The following AKT1S1 variants were observed in gnomAD, a reference collection of about 807,000 sequenced individuals.
The protein encoded by AKT1S1 is AKT1 substrate 1.
In AKT1S1, 17 loss-of-function variants were observed where a neutral mutation model predicts 21.2. That is an observed-to-expected ratio of 0.80 (90% CI 0.55 to 1.20). AKT1S1 has a LOEUF of 1.20. Among genes scored for constraint, AKT1S1 ranks in the 50% most tolerant of loss-of-function variants. The probability of loss-of-function intolerance (pLI) is 0.00; values close to 1 mark genes in which losing one functional copy is unlikely to be tolerated. For missense variants in AKT1S1, 366 were observed against 368.3 expected, an observed-to-expected ratio of 0.99 and a Z score of 0.05; for synonymous variants, 181 against 165.6, an observed-to-expected ratio of 1.09 and a Z score of -0.72.
At position 49,870,067 on chromosome 19, in the gene AKT1S1, G is replaced by A. The variant is rs756394126; in HGVS notation, c.628-7C>T. The A allele has an allele frequency of 2.8e-5, 42 of 1,517,928 alleles. No homozygotes were observed. In the South Asian group the frequency reaches 3.0e-4, roughly 11 times the overall value. The allele number at this position is 1,517,928 out of a possible 1,614,324, so 94.0% of individuals were successfully genotyped here. A position where few individuals can be genotyped will look rare whatever the true frequency, so the allele number is the denominator to read the frequency against. On this transcript the variant is annotated splice_region_variant and splice_polypyrimidine_tract_variant and intron_variant, in intron 4 of 4. Coordinates refer to ENST00000344175, the MANE Select transcript of AKT1S1 (RefSeq NM_001098633.4). ...CCAGGTCGGGCGAAGAGGGCTGCGG[G>A]GACGGCGACGGGGCGAGGTCAGCGC...
rs767765032 is a variant in AKT1S1, at chr19:49,873,174, G to A, written c.122C>T (p.Pro41Leu). 37 of 1,533,706 alleles carry A rather than the reference G, an allele frequency of 2.4e-5. No individual in the cohort carries two copies. The highest frequency in any genetic ancestry group is 2.1e-4 in the Middle Eastern group (1 of 4,852). Residue 41 changes from proline (P) to leucine (L), a missense_variant, in exon 2 of 5, where the codon CCG becomes CTG. Pro to Leu is a moderately conservative substitution (Grantham distance 98, BLOSUM62 -3). Coordinates refer to ENST00000344175, the MANE Select transcript of AKT1S1 (RefSeq NM_001098633.4). The surrounding 1 kb of genome is among the most constrained non-coding windows in gnomAD (Gnocchi z 6.9). ...LTAAPPPPPR[P>L]GPCAYAAHGR... ...ATGGGCAGCATAGGCACAGGGGCCC[G>A]GGCGGGGTGGTGGCGGCGGGGCCGC...
intron 1 of AKT1S1, chr19:49,876,471 CTGG>C: frequency 8.3e-7 from 1 of 1,198,308 alleles, no homozygotes; most frequent in Non-Finnish European, 1.1e-6. Context: ...CAAAGGATCG[CTGG>C]CAGACCTCTG....
chr19:49,876,317 C>G, intron 1 of AKT1S1: 1 of 1,208,178 alleles, frequency 8.3e-7, no homozygotes, highest in Non-Finnish European at 1.0e-6. Flanking sequence ...CCGAGGCCCC[C>G]CAAACCATCC....
chr19:49,876,524 C>T (rs2074946442), intron 1 of AKT1S1: 3 of 1,450,788 alleles, frequency 2.1e-6, no homozygotes, highest in African/African-American at 1.4e-5. Context: ...CCGTGAGCCG[C>T]TCGCCCTCCC....
rs2074883884 is a variant in AKT1S1 at position 49,871,566 on chromosome 19, G to A, written c.608C>T (p.Ser203Leu). The change falls in exon 4 of 5, where the codon TCA becomes TTA. Residue 203 changes from serine (S) to leucine (L), a missense_variant. Ser to Leu is a moderately radical substitution (Grantham distance 145). Transcript: ENST00000344175. The stretch of plus-strand genomic sequence containing the variant: ...CCTCACCGGCCCATTCTCCTCATCT[G>A]ATGACCGCGCCTCTGTCCTCTTCTC... ...FKEKRTEARS[S>L]DEENGPPSSP... 6.2e-7 allele frequency: 1 copy of A among 1,613,848 alleles called. No individual in the cohort carries two copies. The highest frequency in any genetic ancestry group is 1.3e-5 in the African/African-American group (1 of 74,874).
chr19:49,873,100 C>A lies in AKT1S1; in HGVS notation c.196G>T (p.Ala66Ser), dbSNP rs918799688. The A allele has an allele frequency of 6.5e-7, 1 of 1,547,956 alleles. No homozygotes were observed. The highest frequency in any genetic ancestry group is 8.7e-7 in the Non-Finnish European group (1 of 1,149,590). Reference protein sequence around the residue: ...EAARRCLHDIALAHRAATAAR... With the variant: ...EAARRCLHDISLAHRAATAAR... ...GCAGTGGCAGCCCTGTGGGCCAGTG[C>A]GATGTCGTGGAGGCAACGGCGCGCT... The change falls in exon 2 of 5, where the codon GCA becomes TCA. Residue 66 changes from alanine (A) to serine (S), a missense_variant. By Grantham distance (99) the Ala-to-Ser change is moderately conservative. Coordinates refer to ENST00000344175, the MANE Select transcript of AKT1S1 (RefSeq NM_001098633.4). The surrounding 1 kb of genome is among the most constrained non-coding windows in gnomAD (Gnocchi z 6.9).
chr19:49,877,704 T>C, upstream of AKT1S1: 1 of 1,600,292 alleles, frequency 6.2e-7, no homozygotes, highest in Non-Finnish European at 8.5e-7. Flanking sequence ...GGCGGGGCAG[T>C]GGGGCCTTCG....
Position 49,873,229 on chromosome 19 carries a change from G to C in AKT1S1, c.67C>G (p.Arg23Gly). The C allele has an allele frequency of 6.5e-7, 1 of 1,536,098 alleles. No individual in the cohort carries two copies. The highest frequency in any genetic ancestry group is 8.7e-7 in the Non-Finnish European group (1 of 1,151,178). Residue 23 changes from arginine (R) to glycine (G), a missense_variant, in exon 2 of 5, where the codon CGG (arginine) becomes GGG (glycine). Physicochemically the swap from Arg to Gly is moderately radical, Grantham distance 125. Transcript: ENST00000344175. This position sits in a 1 kb window ranked among gnomAD's most constrained non-coding sequence, Gnocchi z 6.9. ...VVGAAERFRA[R>G]TGTELVLLTA... ...AGCAGCACCAGCTCCGTGCCAGTCC[G>C]GGCCCGGAAGCGCTCAGCGGCCCCC... is the stretch of plus-strand genomic sequence containing the variant.
At chr19:49,872,088 G>C (rs1333435537) in intron 2 of AKT1S1, among the ~76,000 whole-genome samples, 199 bp from the exon 3 acceptor site, 2 of 152,134 alleles carry the variant, frequency 1.3e-5, no homozygotes, top group African/African-American at 4.8e-5. Context: ...AGTTTCTATG[G>C]ATCTGCCACC....
chr19:49,871,665 G>A lies in AKT1S1; in HGVS notation c.509C>T (p.Pro170Leu). ...TPAGPPTCSVPPASALPTQQY... is the reference protein window; with the variant it reads ...TPAGPPTCSVLPASALPTQQY... Reference sequence around the variant, plus strand: ...CTGTGTGGGTAGGGCTGAGGCTGGGGGCACTGAGCAGGTGGGGGGGCCGGC... The same window carrying A: ...CTGTGTGGGTAGGGCTGAGGCTGGGAGCACTGAGCAGGTGGGGGGGCCGGC... Residue 170 changes from proline to leucine, a missense_variant, in exon 4 of 5, where the codon CCC becomes CTC. Physicochemically the swap from Pro to Leu is moderately conservative, Grantham distance 98 (BLOSUM62 -3). Transcript: ENST00000344175. 2.5e-6 allele frequency: 4 copies of A among 1,613,930 alleles called. No individual in the cohort carries two copies. Among genetic ancestry groups the A allele is most frequent in the East Asian group, 2.2e-5 (1 of 44,886 alleles).
At chr19:49,876,173 G>T (rs1171749371) in intron 1 of AKT1S1, 2 of 1,005,498 alleles carry the variant, frequency 2.0e-6, no homozygotes, top group African/African-American at 3.4e-5. Flanking sequence ...CTGGGGCCAC[G>T]CTCAGCTGCC....
chr19:49,876,592 C>A (rs921726692), intron 1 of AKT1S1: 4 of 1,512,720 alleles, frequency 2.6e-6, no homozygotes, highest in Non-Finnish European at 3.5e-6. Context: ...AACAACGCCG[C>A]CTCCACTCAC....
At chr19:49,876,772 G>A (rs961566311) in intron 1 of AKT1S1, 518 of 1,218,294 alleles carry the variant, frequency 4.3e-4, no homozygotes, top group Non-Finnish European at 5.2e-4. Flanking sequence ...ATCCGAACCA[G>A]TTGACAAGGG....
At chr19:49,877,670 A>G, upstream of AKT1S1, 1 of 1,583,520 alleles carries the variant, frequency 6.3e-7, no homozygotes, top group South Asian at 1.2e-5. Context: ...GGAAGTGACA[A>G]CACGCTGACT....
Position 49,869,799 on chromosome 19 carries a change from A to G in AKT1S1, c.*118T>C, listed in dbSNP as rs367860845. 3,484 of 1,128,286 alleles carry G rather than the reference A, an allele frequency of 3.1e-3. 27 individuals carry two copies. Among genetic ancestry groups the G allele is most frequent in the South Asian group, 0.027 (1,185 of 43,104 alleles). The allele number at this position is 1,128,286 out of a possible 1,614,324, so 69.9% of individuals were successfully genotyped here. A position where few individuals can be genotyped will look rare whatever the true frequency, so the allele number is the denominator to read the frequency against. On this transcript the variant is annotated 3_prime_UTR_variant, in exon 5 of 5. Transcript: ENST00000344175. ...TGGCAGAGGCGGGACAATCTTGGGA[A>G]TGGGAGACGCAAGGAGGCCGGTCCC...
intron 2 of AKT1S1, among the ~76,000 whole-genome samples, chr19:49,872,381 C>G (rs371148468): frequency 6.6e-6 from 1 of 152,160 alleles, no homozygotes; most frequent in Non-Finnish European, 1.5e-5. Flanking sequence ...AAACAAGGAC[C>G]TCCTAGTGAC....
At chr19:49,872,797 G>C in intron 2 of AKT1S1, 120 bp downstream of exon 2, 5 of 1,219,762 alleles carry the variant, frequency 4.1e-6, no homozygotes, top group Non-Finnish European at 4.5e-6. Flanking sequence ...TCTGGCTCTG[G>C]GGTCCTGAGA....
Position 49,873,612 on chromosome 19 carries a change from G to A in AKT1S1, c.-7-310C>T, listed in dbSNP as rs2074910362. On this transcript the variant is annotated intron_variant, in intron 1 of 4. Coordinates refer to ENST00000344175, the MANE Select transcript of AKT1S1 (RefSeq NM_001098633.4). This position sits in a 1 kb window ranked among gnomAD's most constrained non-coding sequence, Gnocchi z 6.9. Reference sequence around the variant, plus strand: ...CAGCCACATGTGAACAGGGAGTACTGGAAAGGCAGGGAGTCCTAGCAGAGA... The same window carrying A: ...CAGCCACATGTGAACAGGGAGTACTAGAAAGGCAGGGAGTCCTAGCAGAGA... 8.1e-6 allele frequency: 3 copies of A among 370,676 alleles called. No homozygotes were observed. Among genetic ancestry groups the A allele is most frequent in the Non-Finnish European group, 1.4e-5 (3 of 207,818 alleles). 23.0% of individuals were successfully genotyped at this position (370,676 alleles called of 1,614,324 possible). A position where few individuals can be genotyped will look rare whatever the true frequency, so the allele number is the denominator to read the frequency against.
rs980230433 is a variant in AKT1S1, at chr19:49,869,569, T to C, written c.*348A>G. 4.7e-6 allele frequency: 1 copy of C among 211,078 alleles called. No individual in the cohort carries two copies. Among genetic ancestry groups the C allele is most frequent in the Admixed American group, 5.9e-5 (1 of 16,916 alleles). 13.1% of individuals were successfully genotyped at this position (211,078 alleles called of 1,614,324 possible). A position where few individuals can be genotyped will look rare whatever the true frequency, so the allele number is the denominator to read the frequency against. ...AAAGAGCTGTCCAGCGACTAGGGGA[T>C]GGAGCCAATGCCGTGCGAGCAAATC... On this transcript the variant is annotated 3_prime_UTR_variant, in exon 5 of 5. Transcript: ENST00000344175.
Sources: allele counts gnomAD v4.1 joint callset (sites outside exome capture counted in the v4.1 genomes callset), GRCh38; gene constraint gnomAD v4.1.1; non-coding constraint Gnocchi (gnomAD v3.1); transcripts MANE v1.5; gene names NCBI Gene and HGNC (gene_info 2026-07-23, HGNC 2026-07-21).